The following TEX35 variants were observed in gnomAD, a reference collection of about 807,000 sequenced individuals.
TEX35 encodes testis expressed 35.
TEX35 carries 26 observed loss-of-function variants against 31.9 expected under a neutral mutation model. The ratio of observed to expected loss-of-function variants is 0.81; its 90% CI spans 0.60 to 1.13. TEX35 has a LOEUF of 1.13. Ranked by LOEUF, TEX35 falls within the 50% of genes most tolerant of loss-of-function variation. The pLI, the probability that TEX35 is intolerant of heterozygous loss-of-function variation, is 0.00. For missense variants in TEX35, 278 were observed against 273.5 expected (o/e 1.02, Z -0.12); for synonymous variants, 87 against 90.7 (o/e 0.96, Z 0.23).
chr1:178,514,993 C>T (rs1053391001), intron 3 of TEX35, among the ~76,000 whole-genome samples: 9 of 152,226 alleles, frequency 5.9e-5, no homozygotes, highest in East Asian at 1.9e-4. Context: ...AGAAAGGGGA[C>T]GTTTTCTGGT....
chr1:178,516,935 G>A (rs1650099465), intron 5 of TEX35, among the ~76,000 whole-genome samples: 1 of 152,210 alleles, frequency 6.6e-6, no homozygotes, highest in Non-Finnish European at 1.5e-5. Context: ...AAGACTGCAT[G>A]GGAAGCTTAA....
intron 5 of TEX35, among the ~76,000 whole-genome samples, chr1:178,517,891 T>A (rs1011137588): frequency 3.3e-5 from 5 of 152,092 alleles, no homozygotes; most frequent in South Asian, 2.1e-4. Flanking sequence ...ATGGAAGAAA[T>A]TACAAAGGAC....
At chr1:178,515,983 T>C (rs1650061638) in intron 4 of TEX35, 68 bp downstream of exon 4, 1 of 1,242,754 alleles carries the variant, frequency 8.0e-7, no homozygotes, top group African/African-American at 1.5e-5. Flanking sequence ...AATCCTTAAG[T>C]TTGAATAGTG....
In TEX35 at chr1:178,522,138, G is replaced by A. The variant is rs567989916; in HGVS notation, c.587-187G>A. On this transcript the variant is annotated intron_variant, in intron 8 of 8. Coordinates refer to ENST00000319416, the MANE Select transcript of TEX35 (RefSeq NM_032126.5). ...GCCTCCACCTGTGCATGGGGCCAGG[G>A]TGTCTTGGGTGATGCAGGGAACCCC... is the stretch of plus-strand genomic sequence containing the variant. The A allele has an allele frequency of 8.7e-6, 7 of 809,058 alleles. No homozygotes were observed. In the South Asian group the frequency reaches 1.2e-4, roughly 14 times the overall value. The allele number at this position is 809,058 out of a possible 1,614,324, so 50.1% of individuals were successfully genotyped here.
Position 178,521,218 on chromosome 1 carries a change from G to A in TEX35, c.544-4G>A, listed in dbSNP as rs2101898273. 1 of 1,614,228 alleles carries A rather than the reference G, an allele frequency of 6.2e-7. No homozygotes were observed. The highest frequency in any genetic ancestry group is 1.1e-5 in the South Asian group (1 of 91,084). On this transcript the variant is annotated splice_polypyrimidine_tract_variant and splice_region_variant and intron_variant, in intron 7 of 8. Coordinates refer to ENST00000319416, the MANE Select transcript of TEX35 (RefSeq NM_032126.5). ...CTTTCTTGTGCCGTTTCTGTCCTCT[G>A]CAGGAGAAATGTTTGTTGTGTGCTC...
rs146319926 is a variant in TEX35, at chr1:178,521,259, A to G, written c.581A>G (p.Asn194Ser). The change falls in exon 8 of 9, where the codon AAT becomes AGT. Residue 194 changes from asparagine to serine, a missense_variant. Transcript: ENST00000319416. ...CLLCALKNNY[N>S]RGNIPSEASG... ...TTGTGTGCTCTAAAGAACAACTACA[A>G]TCGGGGTAGGTAGATTCATACAAGA... 3 of 1,614,114 alleles carry G rather than the reference A, an allele frequency of 1.9e-6. No individual in the cohort carries two copies. Among genetic ancestry groups the G allele is most frequent in the African/African-American group, 2.7e-5 (2 of 74,944 alleles).
At chr1:178,513,910 C>A in intron 1 of TEX35, 117 bp from the exon 2 acceptor site, 1 of 1,208,654 alleles carries the variant, frequency 8.3e-7, no homozygotes, top group Non-Finnish European at 1.2e-6. Flanking sequence ...GCCAGTTGGA[C>A]AGGCAGGGTT....
chr1:178,516,554 C>T (rs55652229), intron 4 of TEX35, 61 bp from the exon 5 acceptor site: 183 of 1,469,614 alleles, frequency 1.2e-4, no homozygotes, highest in Non-Finnish European at 1.6e-4. Context: ...TGAAAGATGC[C>T]ACAACTAACC....
rs1362668430 is a variant in TEX35 at position 178,520,404 on chromosome 1, C to T, written c.309C>T (p.Asp103=). The T allele has an allele frequency of 6.2e-7, 1 of 1,614,070 alleles. No individual in the cohort carries two copies. The highest frequency in any genetic ancestry group is 1.3e-5 in the African/African-American group (1 of 75,046). The change falls in exon 6 of 9, where the codon GAC becomes GAT. Residue 103 remains aspartate, a synonymous_variant. Transcript: ENST00000319416. The part of the protein sequence containing the change: ...EMQKDMDEKM[D]ILINTQKNYK... The stretch of plus-strand genomic sequence containing the variant: ...AGAAAGATATGGATGAGAAGATGGA[C>T]ATTTTAATAAATACACAGAAGAACT...
intron 2 of TEX35, 136 bp downstream of exon 2, chr1:178,514,213 G>A (rs755580698): frequency 1.9e-6 from 3 of 1,569,246 alleles, no homozygotes; most frequent in South Asian, 1.2e-5. Context: ...GAGAGTTCTT[G>A]CTCTCATAGA....
rs749964891 is a variant in TEX35 at position 178,520,720 on chromosome 1, GA to G, written c.392del (p.Lys131ArgfsTer59). On this transcript the variant is annotated frameshift_variant, in exon 7 of 9. Coordinates refer to ENST00000319416, the MANE Select transcript of TEX35 (RefSeq NM_032126.5). LOFTEE classifies it high-confidence loss of function. The stretch of plus-strand genomic sequence containing the variant: ...GAGCAGCAGGAACTCAGGCTGATGG[GA>G]AAGACTCACAGAGAACCACAGCTCA... ...PKEQQELRLM[G>X]KTHREPQLRP... 1.9e-5 allele frequency: 30 copies of G among 1,614,102 alleles called. No homozygotes were observed. The highest frequency in any genetic ancestry group is 2.4e-5 in the Non-Finnish European group (28 of 1,180,016).
Position 178,521,247 on chromosome 1 carries a change from AG to A in TEX35, c.570del (p.Asn191ThrfsTer23), listed in dbSNP as rs2101898301. On this transcript the variant is annotated frameshift_variant, in exon 8 of 9. Coordinates refer to ENST00000319416, the MANE Select transcript of TEX35 (RefSeq NM_032126.5). LOFTEE classifies it low-confidence loss of function (END_TRUNC). ...GAGAAATGTTTGTTGTGTGCTCTAAAGAACAACTACAATCGGGGTAGGTAGA... is the reference window on the plus strand; with the variant it reads ...GAGAAATGTTTGTTGTGTGCTCTAAAAACAACTACAATCGGGGTAGGTAGA... Reference protein sequence around the residue: ...CCEKCLLCALKNNYNRGNIPS... With the variant: ...CCEKCLLCALXNNYNRGNIPS... 1 of 1,614,220 alleles carries A rather than the reference AG, an allele frequency of 6.2e-7. No homozygotes were observed. The highest frequency in any genetic ancestry group is 2.2e-5 in the East Asian group (1 of 44,880).
In TEX35 at chr1:178,515,929, G is replaced by T. The variant is rs371487151; in HGVS notation, c.216+14G>T. 1 of 1,602,268 alleles carries T rather than the reference G, an allele frequency of 6.2e-7. No individual in the cohort carries two copies. Among genetic ancestry groups the T allele is most frequent in the Non-Finnish European group, 8.5e-7 (1 of 1,169,842 alleles). On this transcript the variant is annotated intron_variant, in intron 4 of 8. Transcript: ENST00000319416. ...GAGATAAAACAGGTAAGAAGATGAGGCCTTCCATATCATGGAGGGAAAGTG... is the reference window on the plus strand; with the variant it reads ...GAGATAAAACAGGTAAGAAGATGAGTCCTTCCATATCATGGAGGGAAAGTG...
downstream of TEX35, chr1:178,523,310 G>A (rs974033358): frequency 1.0e-5 from 7 of 700,534 alleles, no homozygotes; most frequent in Admixed American, 2.0e-5. Context: ...AGGTATATAC[G>A]CTGCAGTGGG....
chr1:178,521,770 C>T, intron 8 of TEX35: 1 of 1,551,524 alleles, frequency 6.4e-7, no homozygotes, highest in South Asian at 1.2e-5. Flanking sequence ...CACCCCAACC[C>T]CAGGCCTCCA....
At chr1:178,514,184 A>G (rs760786147) in intron 2 of TEX35, 107 bp downstream of exon 2, 80 of 1,598,534 alleles carry the variant, frequency 5.0e-5, no homozygotes, top group Non-Finnish European at 6.4e-5. Context: ...GATTTGTCCC[A>G]GGTGCTGGGG....
chr1:178,522,570 T>C lies in TEX35; in HGVS notation c.*130T>C, dbSNP rs1219264163. 7.4e-7 allele frequency: 1 copy of C among 1,343,822 alleles called. No individual in the cohort carries two copies. The highest frequency in any genetic ancestry group is 9.6e-7 in the Non-Finnish European group (1 of 1,043,616). 83.2% of individuals were successfully genotyped at this position (1,343,822 alleles called of 1,614,324 possible). A position where few individuals can be genotyped will look rare whatever the true frequency, so the allele number is the denominator to read the frequency against. On this transcript the variant is annotated 3_prime_UTR_variant, in exon 9 of 9. Transcript: ENST00000319416. ...CGAGGAATGATGGGATTTCATATTT[T>C]ATTTCACACCAGTTCCTCCTTGTTT... is the stretch of plus-strand genomic sequence containing the variant.
intron 1 of TEX35, 87 bp from the exon 2 acceptor site, chr1:178,513,940 G>A (rs1331435548): frequency 1.3e-6 from 2 of 1,502,772 alleles, no homozygotes; most frequent in African/African-American, 2.8e-5. Flanking sequence ...TGGGGGGCAG[G>A]GGGCAGGGTT....
intron 5 of TEX35, among the ~76,000 whole-genome samples, chr1:178,517,563 T>A (rs1321521937): frequency 1.3e-5 from 2 of 152,198 alleles, no homozygotes; most frequent in African/African-American, 2.4e-5. Flanking sequence ...CTACACCTCA[T>A]AACGATTAAG....
Sources: allele counts gnomAD v4.1 joint callset (sites outside exome capture counted in the v4.1 genomes callset), GRCh38; gene constraint gnomAD v4.1.1; transcripts MANE v1.5; gene names NCBI Gene and HGNC (gene_info 2026-07-23, HGNC 2026-07-21).